Variants in SYT6 observed in about 807,000 individuals in gnomAD.
SYT6 encodes synaptotagmin 6.
In SYT6, 24 loss-of-function variants were observed where a neutral mutation model predicts 38.4. The observed-to-expected ratio is 0.62, with a 90% CI of 0.45 to 0.88. The LOEUF is 0.88. Ranked by LOEUF, SYT6 falls within the 40% of genes least tolerant of loss-of-function variation. SYT6 has a pLI of 0.00. For synonymous variants in SYT6, 265 were observed against 241.9 expected, an observed-to-expected ratio of 1.10 and a Z score of -0.89; for missense variants, 611 against 621.0, an observed-to-expected ratio of 0.98 and a Z score of 0.17.
Position 114,119,896 on chromosome 1 carries a change from G to A in SYT6, c.1072-16175C>T, listed in dbSNP as rs182357036. On this transcript the variant is annotated intron_variant, in intron 3 of 7. Coordinates refer to ENST00000610222, the MANE Select transcript of SYT6 (RefSeq NM_001253772.2). Reference sequence around the variant, plus strand: ...ACCATCCTGGCTAGCACAGTGGAACGCTGTCTCTACTAAAAATACAAAAAA... The same window carrying A: ...ACCATCCTGGCTAGCACAGTGGAACACTGTCTCTACTAAAAATACAAAAAA... Among the ~76,000 whole-genome samples, 752 of 152,044 alleles carry A rather than the reference G, an allele frequency of 4.9e-3. 8 individuals carry two copies. Among genetic ancestry groups the A allele is most frequent in the African/African-American group, 0.017 (705 of 41,462 alleles).
chr1:114,090,308 G>A lies in SYT6; in HGVS notation c.*1826C>T, dbSNP rs560491217. The A allele has an allele frequency of 3.3e-5, 5 of 152,478 alleles. No individual in the cohort carries two copies. The South Asian group carries it at 1.0e-3, about 32-fold the overall frequency. 9.4% of individuals were successfully genotyped at this position (152,478 alleles called of 1,614,324 possible). On this transcript the variant is annotated 3_prime_UTR_variant, in exon 8 of 8. Transcript: ENST00000610222. Reference sequence around the variant, plus strand: ...AAGGCCTGTCAATGACAAGATATCTGGGGAGAAAAGTCATCTTTACACATG... The same window carrying A: ...AAGGCCTGTCAATGACAAGATATCTAGGGAGAAAAGTCATCTTTACACATG...
chr1:114,096,461 G>A (rs1385151778), intron 6 of SYT6, among the ~76,000 whole-genome samples: 3 of 152,200 alleles, frequency 2.0e-5, no homozygotes, highest in Non-Finnish European at 4.4e-5. Context: ...CAGAGCACAT[G>A]CTGCCTGTCT....
At chr1:114,153,011 C>G (rs1441559554) in intron 1 of SYT6, 1 of 151,620 alleles carries the variant, frequency 6.6e-6, no homozygotes, top group African/African-American at 2.4e-5. Flanking sequence ...TCCCCCACCC[C>G]GCCCCCTGTC....
In SYT6 at chr1:114,121,267, T is replaced by C. The variant is rs78154064; in HGVS notation, c.1071+16228A>G. Among the ~76,000 whole-genome samples, 537 of 152,326 alleles carry C rather than the reference T, an allele frequency of 3.5e-3. 3 individuals carry two copies. The highest frequency in any genetic ancestry group is 0.012 in the African/African-American group (510 of 41,568). On this transcript the variant is annotated intron_variant, in intron 3 of 7. Coordinates refer to ENST00000610222, the MANE Select transcript of SYT6 (RefSeq NM_001253772.2). The stretch of plus-strand genomic sequence containing the variant: ...AGGCTGGCTTGGGGCCTGCCAGATC[T>C]TCAGGCCTGTCCTCACTATCCCTCC...
chr1:114,145,819 A>G (rs371320395), intron 1 of SYT6, among the ~76,000 whole-genome samples: 1 of 152,178 alleles, frequency 6.6e-6, no homozygotes, highest in East Asian at 1.9e-4. Context: ...GGGGGAATCT[A>G]GAGAGCATAG....
chr1:114,096,987 G>A (rs908047973), intron 6 of SYT6, among the ~76,000 whole-genome samples: 16 of 152,154 alleles, frequency 1.1e-4, no homozygotes, highest in Admixed American at 2.6e-4. Context: ...ATCCTAAGTC[G>A]GTGGGATTCA....
Position 114,137,858 on chromosome 1 carries a change from G to T in SYT6, c.708C>A (p.Ser236Arg), listed in dbSNP as rs1678585551. Reference protein sequence around the residue: ...ATKSCGKINFSLRYDYETETL... With the variant: ...ATKSCGKINFRLRYDYETETL... ...TCTCGGTCTCGTAATCGTAGCGTAGGCTGAAGTTGATCTTCCCGCAGCTCT... is the reference window on the plus strand; with the variant it reads ...TCTCGGTCTCGTAATCGTAGCGTAGTCTGAAGTTGATCTTCCCGCAGCTCT... Residue 236 changes from serine (S) to arginine (R), a missense_variant, in exon 3 of 8, where the codon AGC becomes AGA. By Grantham distance (110) the Ser-to-Arg change is moderately radical (BLOSUM62 -1). Transcript: ENST00000610222. The T allele has an allele frequency of 2.5e-6, 4 of 1,614,058 alleles. No homozygotes were observed. The East Asian group carries it at 8.9e-5, about 36-fold the overall frequency.
chr1:114,151,231 C>T (rs1276601285), intron 1 of SYT6, among the ~76,000 whole-genome samples: 1 of 152,170 alleles, frequency 6.6e-6, no homozygotes, highest in African/African-American at 2.4e-5. Flanking sequence ...CTTTCTCTTG[C>T]TATGATCAAA....
rs143820065 is a variant in SYT6 at position 114,136,031 on chromosome 1, C to T, written c.1071+1464G>A. On this transcript the variant is annotated intron_variant, in intron 3 of 7. Coordinates refer to ENST00000610222, the MANE Select transcript of SYT6 (RefSeq NM_001253772.2). ...TCGCCCCGTCTGCCTGCTGGCCAGC[C>T]GGCTACTTATGTTCTTCTTAGGGAT... is the stretch of plus-strand genomic sequence containing the variant. Among the ~76,000 whole-genome samples, 491 of 152,228 alleles carry T rather than the reference C, an allele frequency of 3.2e-3. 6 individuals carry two copies. The highest frequency in any genetic ancestry group is 0.011 in the African/African-American group (465 of 41,534).
At chr1:114,100,956 C>T (rs1675935114) in intron 4 of SYT6, among the ~76,000 whole-genome samples, 1 of 152,186 alleles carries the variant, frequency 6.6e-6, no homozygotes, top group African/African-American at 2.4e-5. Context: ...ATTTCCATAT[C>T]ATGAGGCTTG....
intron 3 of SYT6, among the ~76,000 whole-genome samples, chr1:114,104,308 C>A (rs1676145899): frequency 6.6e-6 from 1 of 152,208 alleles, no homozygotes; most frequent in Non-Finnish European, 1.5e-5. Flanking sequence ...GATGCCAGGC[C>A]TCAGGTCCAC....
At chr1:114,099,071 G>A (rs772457245) in intron 5 of SYT6, 23 bp downstream of exon 5, 39 of 1,594,222 alleles carry the variant, frequency 2.4e-5, no homozygotes, top group South Asian at 2.1e-4. Flanking sequence ...GTAGAATTAC[G>A]TCCCTCTAGG....
At chr1:114,126,515 CA>C (rs1282103721) in intron 3 of SYT6, among the ~76,000 whole-genome samples, 1 of 152,122 alleles carries the variant, frequency 6.6e-6, no homozygotes, top group Non-Finnish European at 1.5e-5. Context: ...TCCTTGCGAC[CA>C]AATAGTCTCT....
In SYT6 at chr1:114,103,657, G is replaced by A. The variant is rs1246257346; in HGVS notation, c.1136C>T (p.Thr379Ile). 2 of 1,614,056 alleles carry A rather than the reference G, an allele frequency of 1.2e-6. No homozygotes were observed. The highest frequency in any genetic ancestry group is 1.7e-6 in the Non-Finnish European group (2 of 1,180,038). Residue 379 changes from threonine (T) to isoleucine (I), a missense_variant, in exon 4 of 8, where the codon ACC (threonine) becomes ATC (isoleucine). By Grantham distance (89) the Thr-to-Ile change is moderately conservative. Coordinates refer to ENST00000610222, the MANE Select transcript of SYT6 (RefSeq NM_001253772.2). ...GTTCCGACACTTAATCACTGTGAGG[G>A]TGAGCCTGCCTGCAGTGGGCAGGTA... ...LCYLPTAGRLTLTVIKCRNLK... is the reference protein window; with the variant it reads ...LCYLPTAGRLILTVIKCRNLK...
In SYT6 at chr1:114,103,589, TAA is replaced by T; in HGVS notation, c.1192+10_1192+11del. 3.7e-6 allele frequency: 6 copies of T among 1,614,066 alleles called. No homozygotes were observed. The highest frequency in any genetic ancestry group is 5.1e-6 in the Non-Finnish European group (6 of 1,179,970). On this transcript the variant is annotated intron_variant, in intron 4 of 7. Coordinates refer to ENST00000610222, the MANE Select transcript of SYT6 (RefSeq NM_001253772.2). ...TGGGCTGCTGGCAGGCCACTTGGGT[TAA>T]GAGAGGTACCTGAATAGCCTGTGAT... is the stretch of plus-strand genomic sequence containing the variant.
chr1:114,119,684 T>A (rs1251476053), intron 3 of SYT6, among the ~76,000 whole-genome samples: 1 of 152,204 alleles, frequency 6.6e-6, no homozygotes, highest in Non-Finnish European at 1.5e-5. Flanking sequence ...TTCTGAAAGG[T>A]TGTCCCTGAG....
At chr1:114,138,291 A>G (rs1994291) in intron 2 of SYT6, among the ~76,000 whole-genome samples, 15,841 of 152,212 alleles carry the variant, frequency 0.1, 1,090 homozygotes, top group East Asian at 0.2. Flanking sequence ...TAGTAAGCTC[A>G]ATAAACTTTA....
intron 3 of SYT6, among the ~76,000 whole-genome samples, chr1:114,118,583 G>T (rs1478644960): frequency 6.6e-6 from 1 of 152,238 alleles, no homozygotes; most frequent in Non-Finnish European, 1.5e-5. Context: ...ACAGCACGCA[G>T]GCCATGCCAG....
intron 3 of SYT6, among the ~76,000 whole-genome samples, chr1:114,124,104 G>A (rs1320644503): frequency 6.6e-6 from 1 of 152,232 alleles, no homozygotes; most frequent in Admixed American, 6.5e-5. Context: ...CAAGCCCTAA[G>A]GAGGGGCCTC....
Sources: gnomAD v4.1 joint callset for allele counts (sites outside exome capture counted in the v4.1 genomes callset) on GRCh38, gnomAD v4.1.1 for gene constraint, MANE v1.5 for transcripts, NCBI Gene and HGNC (gene_info 2026-07-23, HGNC 2026-07-21) for gene names.